The following PPARG variants were observed in gnomAD, a reference collection of about 807,000 sequenced individuals.
PPARG encodes peroxisome proliferator activated receptor gamma, also known as peroxisome proliferator-activated receptor gamma.
A neutral mutation model predicts 39.2 loss-of-function variants in PPARG; 17 were observed. The observed-to-expected ratio is 0.43, with a 90% CI of 0.30 to 0.65. PPARG has a LOEUF of 0.65. PPARG is among the 30% of genes least tolerant of loss of function. The probability of loss-of-function intolerance (pLI) is 0.13; values close to 1 mark genes in which losing one functional copy is unlikely to be tolerated. For synonymous variants in PPARG, 223 were observed against 215.7 expected (o/e 1.03, Z -0.30); for missense variants, 406 against 585.9 (o/e 0.69, Z 3.17).
chr3:12,321,485 C>T (rs1348733097), intron 2 of PPARG, among the ~76,000 whole-genome samples: 1 of 152,152 alleles, frequency 6.6e-6, no homozygotes, highest in Non-Finnish European at 1.5e-5. Flanking sequence ...TGTATAGGAA[C>T]CTACTGATCG....
At chr3:12,406,197 G>T in intron 6 of PPARG, 116 bp downstream of exon 6, 1 of 1,085,024 alleles carries the variant, frequency 9.2e-7, no homozygotes, top group Non-Finnish European at 1.4e-6. Context: ...TTGTTCAACT[G>T]TTGGCTGTTA....
At position 12,422,406 on chromosome 3, in the gene PPARG, C is replaced by T. The variant is rs150003296; in HGVS notation, c.1180+5252C>T. On this transcript the variant is annotated intron_variant, in intron 7 of 7. Transcript: ENST00000651735. ...TGCCGAAGGTCACAGAGCTACTAATCGGTGAGGTCAAGGTTCAGACCCAGG... is the reference window on the plus strand; with the variant it reads ...TGCCGAAGGTCACAGAGCTACTAATTGGTGAGGTCAAGGTTCAGACCCAGG... Among the ~76,000 whole-genome samples the T allele has an allele frequency of 1.8e-3, 281 of 152,282 alleles. 1 individual carries two copies. The East Asian group carries it at 0.022, about 12-fold the overall frequency.
At chr3:12,363,555 A>C (rs1295945548) in intron 2 of PPARG, among the ~76,000 whole-genome samples, 1 of 152,208 alleles carries the variant, frequency 6.6e-6, no homozygotes, top group African/African-American at 2.4e-5. Flanking sequence ...GGTAATGCCA[A>C]GCTACTAGAG....
At chr3:12,433,867 C>T (rs756664439) in intron 7 of PPARG, 31 bp from the exon 8 acceptor site, 3 of 1,613,354 alleles carry the variant, frequency 1.9e-6, no homozygotes, top group Non-Finnish European at 2.5e-6. Context: ...GACTGAACCC[C>T]CTGTTGTGTT....
chr3:12,410,723 A>T (rs2050853919), intron 6 of PPARG, among the ~76,000 whole-genome samples: 2 of 152,354 alleles, frequency 1.3e-5, no homozygotes, highest in Admixed American at 1.3e-4. Flanking sequence ...TAAAATCAAT[A>T]TGGAAATGTA....
At chr3:12,345,472 C>T (rs1450174649) in intron 2 of PPARG, among the ~76,000 whole-genome samples, 1 of 152,056 alleles carries the variant, frequency 6.6e-6, no homozygotes, top group Admixed American at 6.6e-5. Flanking sequence ...GGATCATTGA[C>T]CTGAAGAACT....
chr3:12,394,429 C>T (rs2050186939), intron 5 of PPARG, among the ~76,000 whole-genome samples: 1 of 152,138 alleles, frequency 6.6e-6, no homozygotes, highest in Admixed American at 6.5e-5. Context: ...TAAACCCCAA[C>T]CTATGTAGTA....
intron 7 of PPARG, among the ~76,000 whole-genome samples, chr3:12,422,577 A>G (rs553446730): frequency 6.6e-6 from 1 of 152,278 alleles, no homozygotes; most frequent in Admixed American, 6.5e-5. Context: ...GCCTCCAGAT[A>G]TTGTAATTAA....
At chr3:12,307,272 G>A (rs370161897) in intron 1 of PPARG, among the ~76,000 whole-genome samples, 2 of 151,780 alleles carry the variant, frequency 1.3e-5, no homozygotes, top group African/African-American at 2.4e-5. Flanking sequence ...GAATGTAAAC[G>A]GCTCATCTTG....
chr3:12,362,736 G>T (rs2048889897), intron 2 of PPARG, among the ~76,000 whole-genome samples: 1 of 151,994 alleles, frequency 6.6e-6, no homozygotes, highest in East Asian at 1.9e-4. Flanking sequence ...CCTTGTTGCT[G>T]ATCTCAAGAG....
At chr3:12,403,737 A>G (rs1227647900) in intron 5 of PPARG, among the ~76,000 whole-genome samples, 2 of 152,180 alleles carry the variant, frequency 1.3e-5, no homozygotes, top group Admixed American at 6.5e-5. Flanking sequence ...ACCTGCGGGT[A>G]TGGAGGGCCA....
chr3:12,328,819 C>G (rs1281578290), intron 2 of PPARG, among the ~76,000 whole-genome samples: 1 of 152,218 alleles, frequency 6.6e-6, no homozygotes, highest in Non-Finnish European at 1.5e-5. Flanking sequence ...AAAGAACAGA[C>G]GTTCACAGCT....
intron 7 of PPARG, among the ~76,000 whole-genome samples, chr3:12,427,213 T>TCC (rs6147711): frequency 1.3e-5 from 2 of 152,182 alleles, no homozygotes; most frequent in African/African-American, 2.4e-5. Context: ...TTTGCTGAAT[T>TCC]GGATCAGAAA....
intron 2 of PPARG, among the ~76,000 whole-genome samples, chr3:12,353,096 A>C (rs1021994169): frequency 3.3e-5 from 5 of 152,182 alleles, no homozygotes; most frequent in Non-Finnish European, 5.9e-5. Context: ...TATGTGATTC[A>C]AGTTAGTTTT....
At position 12,310,773 on chromosome 3, in the gene PPARG, TA is replaced by T. The variant is rs1404187930; in HGVS notation, c.-82-1605del. On this transcript the variant is annotated intron_variant, in intron 1 of 7. Transcript: ENST00000651735. ...CCACCGTGCCCGGCCGAGCCCTTTTTAATAGTTGCCTTAAATGTAAAAAAAA... is the reference window on the plus strand; with the variant it reads ...CCACCGTGCCCGGCCGAGCCCTTTTTATAGTTGCCTTAAATGTAAAAAAAA... Among the ~76,000 whole-genome samples, 5 of 133,954 alleles carry T rather than the reference TA, an allele frequency of 3.7e-5. 2 individuals are homozygous for T. Among genetic ancestry groups the T allele is most frequent in the Non-Finnish European group, 1.6e-5 (1 of 64,118 alleles). 87.9% of individuals were successfully genotyped at this position (133,954 alleles called of 152,430 possible).
chr3:12,321,658 A>G (rs2047549054), intron 2 of PPARG, among the ~76,000 whole-genome samples: 1 of 152,162 alleles, frequency 6.6e-6, no homozygotes, highest in African/African-American at 2.4e-5. Flanking sequence ...CCCCTTTCAG[A>G]GAGCATTACA....
chr3:12,389,453 G>A (rs192064658), intron 4 of PPARG, among the ~76,000 whole-genome samples: 2 of 152,250 alleles, frequency 1.3e-5, no homozygotes, highest in East Asian at 3.9e-4. Flanking sequence ...AAGACAAATA[G>A]AGAGTATAAA....
At chr3:12,346,109 C>T (rs1346443572) in intron 2 of PPARG, among the ~76,000 whole-genome samples, 1 of 152,114 alleles carries the variant, frequency 6.6e-6, no homozygotes, top group Non-Finnish European at 1.5e-5. Flanking sequence ...TTTAGTTGAT[C>T]CCTAGAAAGT....
intron 2 of PPARG, among the ~76,000 whole-genome samples, chr3:12,319,226 A>C (rs1490028351): frequency 1.3e-5 from 2 of 152,184 alleles, no homozygotes; most frequent in Non-Finnish European, 2.9e-5. Context: ...TGCTCACTAT[A>C]ATTTGTGATT....
Sources: gnomAD v4.1 joint callset for allele counts (sites outside exome capture counted in the v4.1 genomes callset) on GRCh38, gnomAD v4.1.1 for gene constraint, MANE v1.5 for transcripts, NCBI Gene and HGNC (gene_info 2026-07-23, HGNC 2026-07-21) for gene names.